Variants in TENM4 observed in about 807,000 individuals in gnomAD.
The protein encoded by TENM4 is teneurin transmembrane protein 4.
A neutral mutation model predicts 243.3 loss-of-function variants in TENM4; 82 were observed. The ratio of observed to expected loss-of-function variants is 0.34; its 90% CI spans 0.28 to 0.40. TENM4 has a LOEUF of 0.40. Among genes scored for constraint, TENM4 ranks in the 10% least tolerant of loss-of-function variants. The probability of loss-of-function intolerance (pLI) is 1.00; values close to 1 mark genes in which losing one functional copy is unlikely to be tolerated. For synonymous variants in TENM4, 1,412 were observed against 1,456.3 expected, an observed-to-expected ratio of 0.97 and a Z score of 0.69; for missense variants, 3,138 against 3,673.3, an observed-to-expected ratio of 0.85 and a Z score of 3.77.
At chr11:78,931,552 C>T (rs766729172) in intron 6 of TENM4, among the ~76,000 whole-genome samples, 4 of 152,180 alleles carry the variant, frequency 2.6e-5, no homozygotes, top group Non-Finnish European at 5.9e-5. Context: ...AAGGAAACAC[C>T]TTTATCAGCA....
At chr11:79,230,951 G>C (rs1864362180) in intron 2 of TENM4, among the ~76,000 whole-genome samples, 1 of 152,122 alleles carries the variant, frequency 6.6e-6, no homozygotes, top group South Asian at 2.1e-4. Flanking sequence ...ATCCACCTTG[G>C]ATGTTTCTGT....
At chr11:78,903,243 C>A in intron 7 of TENM4, 25 bp downstream of exon 7, 1 of 1,485,112 alleles carries the variant, frequency 6.7e-7, no homozygotes, top group South Asian at 1.3e-5. Context: ...CCTCCTCAGC[C>A]TCACCCTCCC....
Position 78,739,440 on chromosome 11 carries a change from T to C in TENM4, c.2757-870A>G, listed in dbSNP as rs77566650. On this transcript the variant is annotated intron_variant, in intron 19 of 33. Transcript: ENST00000278550. The stretch of plus-strand genomic sequence containing the variant: ...TCCCACAAAACCTGATGCAGACACC[T>C]TGATACTCTACCAAACCATACACAC... 5.0e-3 allele frequency among the ~76,000 whole-genome samples: 757 copies of C among 152,252 alleles called. 4 individuals carry two copies. The highest frequency in any genetic ancestry group is 0.017 in the African/African-American group (715 of 41,516).
In TENM4 at chr11:78,704,048, C is replaced by T. The variant is rs1411302343; in HGVS notation, c.4210-1645G>A. Among the ~76,000 whole-genome samples the T allele has an allele frequency of 1.4e-4, 21 of 147,084 alleles. No homozygotes were observed. In the South Asian group the frequency reaches 3.4e-3, roughly 24 times the overall value. ...ACATATATATATACACACACACACACACACACACACACACACATATATATA... is the reference window on the plus strand; with the variant it reads ...ACATATATATATACACACACACACATACACACACACACACACATATATATA... On this transcript the variant is annotated intron_variant, in intron 27 of 33. Coordinates refer to ENST00000278550, the MANE Select transcript of TENM4 (RefSeq NM_001098816.3).
chr11:78,704,024 C>CACAT (rs1555067556), intron 27 of TENM4, among the ~76,000 whole-genome samples: 2,935 of 128,880 alleles, frequency 0.023, 58 homozygotes, highest in African/African-American at 0.042. Flanking sequence ...CACACACACA[C>CACAT]ATATATATAT....
chr11:79,162,208 T>C (rs1862762025), intron 3 of TENM4, among the ~76,000 whole-genome samples: 1 of 152,246 alleles, frequency 6.6e-6, no homozygotes. Context: ...GTCAAGATCA[T>C]GGCCTTGGAA....
intron 6 of TENM4, among the ~76,000 whole-genome samples, chr11:79,032,899 T>C (rs1054313762): frequency 1.3e-5 from 2 of 152,212 alleles, no homozygotes; most frequent in Non-Finnish European, 2.9e-5. Context: ...CAAAAAGTTG[T>C]TATTCACTTG....
intron 3 of TENM4, among the ~76,000 whole-genome samples, chr11:79,206,649 A>C (rs748774276): frequency 1.9e-4 from 29 of 152,168 alleles, no homozygotes; most frequent in Non-Finnish European, 3.5e-4. Flanking sequence ...AATAAGTCTC[A>C]TGAGATCTGA....
chr11:78,943,523 G>A (rs1856947620), intron 6 of TENM4, among the ~76,000 whole-genome samples: 2 of 152,280 alleles, frequency 1.3e-5, no homozygotes, highest in South Asian at 4.2e-4. Flanking sequence ...GCTTCACCAG[G>A]AGAAATTCAC....
At chr11:78,978,416 T>A (rs191558517) in intron 6 of TENM4, among the ~76,000 whole-genome samples, 186 of 151,630 alleles carry the variant, frequency 1.2e-3, no homozygotes, top group African/African-American at 4.1e-3. Flanking sequence ...TTAGCATAAA[T>A]GATCCATTTA....
At chr11:78,922,867 G>C (rs993196247) in intron 6 of TENM4, among the ~76,000 whole-genome samples, 1 of 152,170 alleles carries the variant, frequency 6.6e-6, no homozygotes. Flanking sequence ...AAGGAGGTGA[G>C]ATGTATGATG....
intron 3 of TENM4, among the ~76,000 whole-genome samples, chr11:79,175,954 T>C (rs980123496): frequency 3.3e-5 from 5 of 151,976 alleles, no homozygotes; most frequent in African/African-American, 1.2e-4. Flanking sequence ...GTGGCACTAA[T>C]GGTGGCACAC....
chr11:79,439,577 C>A (rs946213002), intron 1 of TENM4, among the ~76,000 whole-genome samples: 1 of 151,498 alleles, frequency 6.6e-6, no homozygotes, highest in Non-Finnish European at 1.5e-5. Context: ...CTCGCCCGAC[C>A]CCCCCGCCAA....
rs1199226702 is a variant in TENM4 at position 78,880,488 on chromosome 11, A to AAG, written c.1084+9295_1084+9296dup. Among the ~76,000 whole-genome samples the AAG allele has an allele frequency of 1.5e-3, 174 of 112,962 alleles. 8 individuals are homozygous for AAG. Among genetic ancestry groups the AAG allele is most frequent in the African/African-American group, 5.6e-3 (162 of 28,852 alleles). The allele number at this position is 112,962 out of a possible 152,430, so 74.1% of individuals were successfully genotyped here. A position where few individuals can be genotyped will look rare whatever the true frequency, so the allele number is the denominator to read the frequency against. ...AAAAAAAAAAAAAAAAAAAAAAAAA[A>AAG]AGAAAGAAAAAATGGCCTGTGAAAA... On this transcript the variant is annotated intron_variant, in intron 9 of 33. Transcript: ENST00000278550.
intron 6 of TENM4, among the ~76,000 whole-genome samples, chr11:78,930,196 C>A (rs915137319): frequency 1.3e-5 from 2 of 152,188 alleles, no homozygotes; most frequent in African/African-American, 4.8e-5. Context: ...CAAGTGCCTA[C>A]TTGCTCTGGG....
chr11:79,272,304 AC>A (rs976484098), intron 2 of TENM4, among the ~76,000 whole-genome samples: 1 of 152,190 alleles, frequency 6.6e-6, no homozygotes, highest in Non-Finnish European at 1.5e-5. Context: ...CAGATCTGAA[AC>A]CTGTGTGATT....
intron 6 of TENM4, among the ~76,000 whole-genome samples, chr11:78,995,168 C>T (rs1858141613): frequency 6.6e-6 from 1 of 152,070 alleles, no homozygotes; most frequent in African/African-American, 2.4e-5. Context: ...GAGTGAGGCC[C>T]TCTAGAAAAT....
intron 4 of TENM4, among the ~76,000 whole-genome samples, chr11:79,094,491 T>C (rs1308415888): frequency 1.3e-5 from 2 of 152,102 alleles, no homozygotes; most frequent in African/African-American, 4.8e-5. Flanking sequence ...TTTTCCAGGA[T>C]GTCAGGTTTG....
chr11:79,398,455 C>T (rs1858390908), intron 1 of TENM4, among the ~76,000 whole-genome samples: 1 of 152,140 alleles, frequency 6.6e-6, no homozygotes, highest in African/African-American at 2.4e-5. Context: ...GGCAGACCAT[C>T]TAACCTCTCT....
Sources: gnomAD v4.1 joint callset for allele counts (sites outside exome capture counted in the v4.1 genomes callset) on GRCh38, gnomAD v4.1.1 for gene constraint, MANE v1.5 for transcripts, NCBI Gene and HGNC (gene_info 2026-07-23, HGNC 2026-07-21) for gene names.